Variants in GAN observed in about 807,000 individuals in gnomAD.
GAN encodes epididymis secretory sperm binding protein.
In GAN, 48 loss-of-function variants were observed where a neutral mutation model predicts 71.3. The ratio of observed to expected loss-of-function variants is 0.67; its 90% CI spans 0.53 to 0.86. The LOEUF is 0.86. GAN is among the 40% of genes least tolerant of loss of function. The pLI, the probability that GAN is intolerant of heterozygous loss-of-function variation, is 0.00. For missense variants in GAN, 928 were observed against 770.1 expected (o/e 1.21, Z -2.43); for synonymous variants, 386 against 276.8 (o/e 1.39, Z -3.92).
At chr16:81,359,377 A>C (rs1267942766) in intron 5 of GAN, among the ~76,000 whole-genome samples, 1 of 146,350 alleles carries the variant, frequency 6.8e-6, no homozygotes, top group Admixed American at 6.8e-5. Flanking sequence ...GTGATTGAGG[A>C]GGTCCTTCCG....
chr16:81,369,633 C>G (rs1043544074), intron 9 of GAN, among the ~76,000 whole-genome samples: 25 of 152,244 alleles, frequency 1.6e-4, no homozygotes, highest in African/African-American at 6.0e-4. Context: ...ACTCTGTTGC[C>G]CAGGCTGGAG....
At chr16:81,323,945 A>G (rs565764285) in intron 1 of GAN, among the ~76,000 whole-genome samples, 1 of 152,344 alleles carries the variant, frequency 6.6e-6, no homozygotes, top group Non-Finnish European at 1.5e-5. Context: ...GGGCTGGAGA[A>G]GGAAATAAAC....
intron 3 of GAN, among the ~76,000 whole-genome samples, chr16:81,355,755 G>A (rs1404143441): frequency 6.6e-6 from 1 of 152,154 alleles, no homozygotes; most frequent in African/African-American, 2.4e-5. Flanking sequence ...TTAGAGAGTG[G>A]ATCTCACAAT....
chr16:81,364,171 G>A (rs571839013), intron 7 of GAN, among the ~76,000 whole-genome samples: 23 of 152,274 alleles, frequency 1.5e-4, no homozygotes, highest in African/African-American at 3.1e-4. Context: ...GTGCAGCACC[G>A]CTGTGTGTCA....
At chr16:81,373,034 G>T (rs1911084499) in intron 9 of GAN, among the ~76,000 whole-genome samples, 1 of 152,154 alleles carries the variant, frequency 6.6e-6, no homozygotes, top group Admixed American at 6.5e-5. Context: ...GCTTAGCTTT[G>T]TTTCTGAGTT....
intron 1 of GAN, among the ~76,000 whole-genome samples, chr16:81,331,312 C>G (rs1199520028): frequency 6.6e-6 from 1 of 152,180 alleles, no homozygotes; most frequent in African/African-American, 2.4e-5. Flanking sequence ...CAAACTGTCA[C>G]TGATTAGAGA....
At chr16:81,372,243 T>C (rs1911059886) in intron 9 of GAN, among the ~76,000 whole-genome samples, 1 of 152,214 alleles carries the variant, frequency 6.6e-6, no homozygotes, top group South Asian at 2.1e-4. Flanking sequence ...ACATTATAAC[T>C]GAAGACATGA....
chr16:81,369,622 C>T (rs945206916), intron 9 of GAN, among the ~76,000 whole-genome samples: 2 of 152,182 alleles, frequency 1.3e-5, no homozygotes, highest in African/African-American at 2.4e-5. Flanking sequence ...GACGGAGTCT[C>T]ACTCTGTTGC....
chr16:81,319,526 AT>A (rs1419207308), intron 1 of GAN, among the ~76,000 whole-genome samples: 1 of 152,132 alleles, frequency 6.6e-6, no homozygotes, highest in Non-Finnish European at 1.5e-5. Context: ...CTGCAGTGAC[AT>A]TATGGTGGCT....
chr16:81,381,094 G>C lies in GAN; in HGVS notation c.*3498G>C, dbSNP rs986687859. The C allele has an allele frequency of 5.3e-5, 8 of 152,178 alleles. No individual in the cohort carries two copies. The highest frequency in any genetic ancestry group is 3.9e-4 in the Admixed American group (6 of 15,274). The allele number at this position is 152,178 out of a possible 1,614,324, so 9.4% of individuals were successfully genotyped here. ...GAGTTGGGGGGATTCCCTAGTCAAT[G>C]CATAGGAAATACATTCTTTGTACAA... On this transcript the variant is annotated 3_prime_UTR_variant, in exon 11 of 11. Coordinates refer to ENST00000648994, the MANE Select transcript of GAN (RefSeq NM_022041.4).
intron 9 of GAN, among the ~76,000 whole-genome samples, chr16:81,376,415 C>G (rs756917978): frequency 4.8e-4 from 72 of 150,542 alleles, no homozygotes; most frequent in Non-Finnish European, 9.1e-4. Flanking sequence ...AGCCCAGGAG[C>G]TCAAGACCAG....
At chr16:81,343,895 A>C (rs1910030062) in intron 1 of GAN, among the ~76,000 whole-genome samples, 1 of 152,220 alleles carries the variant, frequency 6.6e-6, no homozygotes, top group African/African-American at 2.4e-5. Flanking sequence ...AAATCTTCTT[A>C]AGCTGATAAA....
chr16:81,360,716 T>G (rs976023881), intron 5 of GAN, among the ~76,000 whole-genome samples: 3 of 152,220 alleles, frequency 2.0e-5, no homozygotes, highest in African/African-American at 7.2e-5. Flanking sequence ...TTTTTAAACA[T>G]GATAAGCATT....
chr16:81,348,976 C>T (rs1910210532), intron 1 of GAN, among the ~76,000 whole-genome samples: 1 of 152,134 alleles, frequency 6.6e-6, no homozygotes, highest in African/African-American at 2.4e-5. Flanking sequence ...TTACAATACA[C>T]CTACCCTCAA....
intron 5 of GAN, among the ~76,000 whole-genome samples, chr16:81,359,335 G>C (rs925967336): frequency 2.0e-5 from 3 of 151,580 alleles, no homozygotes; most frequent in African/African-American, 7.3e-5. Flanking sequence ...AGGAGCGACT[G>C]TGTACAGTGG....
intron 1 of GAN, among the ~76,000 whole-genome samples, chr16:81,341,626 G>C (rs1441078451): frequency 1.3e-5 from 2 of 152,154 alleles, no homozygotes; most frequent in African/African-American, 4.8e-5. Context: ...AAGAGCTCCT[G>C]AAGGAAGCAC....
In GAN at chr16:81,383,717, C is replaced by T. The variant is rs996953047; in HGVS notation, c.*6121C>T. On this transcript the variant is annotated 3_prime_UTR_variant, in exon 11 of 11. Transcript: ENST00000648994. Reference sequence around the variant, plus strand: ...GAAAGAAAACCAGAAATTGTACAGTCGTGATATGAATTAGAGAAGGAACAG... The same window carrying T: ...GAAAGAAAACCAGAAATTGTACAGTTGTGATATGAATTAGAGAAGGAACAG... The T allele has an allele frequency of 6.6e-6, 1 of 151,966 alleles. No homozygotes were observed. The highest frequency in any genetic ancestry group is 6.6e-5 in the Admixed American group (1 of 15,264). 9.4% of individuals were successfully genotyped at this position (151,966 alleles called of 1,614,324 possible).
At chr16:81,370,803 C>G (rs1411828436) in intron 9 of GAN, among the ~76,000 whole-genome samples, 1 of 152,238 alleles carries the variant, frequency 6.6e-6, no homozygotes, top group Non-Finnish European at 1.5e-5. Flanking sequence ...TTCATTGATT[C>G]CTACACTCAT....
intron 3 of GAN, among the ~76,000 whole-genome samples, chr16:81,355,176 G>C (rs1053148051): frequency 6.6e-6 from 1 of 152,188 alleles, no homozygotes; most frequent in Admixed American, 6.5e-5. Context: ...AGGGGTGGAG[G>C]GGCATGGGCC....
Sources: gnomAD v4.1 joint callset for allele counts (sites outside exome capture counted in the v4.1 genomes callset) on GRCh38, gnomAD v4.1.1 for gene constraint, MANE v1.5 for transcripts, NCBI Gene and HGNC (gene_info 2026-07-23, HGNC 2026-07-21) for gene names.